The following ADGRV1 variants were observed in gnomAD, a reference collection of about 807,000 sequenced individuals.
ADGRV1 encodes the protein G-protein coupled receptor 98.
ADGRV1 carries 359 observed loss-of-function variants against 596.2 expected under a neutral mutation model. The ratio of observed to expected loss-of-function variants is 0.60; its 90% confidence interval spans 0.55 to 0.66. The LOEUF (loss-of-function observed/expected upper bound fraction) is 0.66, where lower values mean the gene tolerates loss of function less well. Among genes scored for constraint, ADGRV1 ranks in the 30% least tolerant of loss-of-function variants. ADGRV1 has a pLI of 0.00. For missense variants in ADGRV1, 7,274 were observed against 7,575.6 expected, an observed-to-expected ratio of 0.96 and a Z score of 1.48; for synonymous variants, 2,681 against 2,679.2, an observed-to-expected ratio of 1.00 and a Z score of -0.02.
At chr5:91,009,526 A>C (rs147299887) in intron 85 of ADGRV1, among the ~76,000 whole-genome samples, 1 of 152,138 alleles carries the variant, frequency 6.6e-6, no homozygotes, top group Non-Finnish European at 1.5e-5. Flanking sequence ...TTTTATTCTA[A>C]ATGTTCATAC....
chr5:90,998,427 A>G (rs1334848592), intron 85 of ADGRV1, among the ~76,000 whole-genome samples: 1 of 152,096 alleles, frequency 6.6e-6, no homozygotes, highest in African/African-American at 2.4e-5. Context: ...GCTTTTTATC[A>G]GTATGTAATA....
At position 90,653,918 on chromosome 5, in the gene ADGRV1, A is replaced by C. The variant is rs757228722; in HGVS notation, c.4344A>C (p.Gly1448=). The stretch of plus-strand genomic sequence containing the variant: ...TGGATGGAAATGCAATGCCCAGGGG[A>C]ATCAAGAGTCTGAAAGGAGAAGCCA... ...FYLDGNAMPR[G]IKSLKGEAIT... Residue 1448 remains glycine (G), a synonymous_variant, in exon 20 of 90, where the codon GGA becomes GGC. Coordinates refer to ENST00000405460, the MANE Select transcript of ADGRV1 (RefSeq NM_032119.4). 5 of 1,565,242 alleles carry C rather than the reference A, an allele frequency of 3.2e-6. No homozygotes were observed. Among genetic ancestry groups the C allele is most frequent in the Non-Finnish European group, 4.3e-6 (5 of 1,154,022 alleles).
chr5:91,150,138 T>A lies in ADGRV1; in HGVS notation c.18541T>A (p.Phe6181Ile), dbSNP rs768817526. ...TGGGCATCCTGGACCCAGCACAGCC[T>A]TTTTCACGCCCGGGAGTGGAATGCC... ...MNGHPGPSTA[F>I]FTPGSGMPPA... is the part of the protein sequence containing the mutation. Residue 6181 changes from phenylalanine (F) to isoleucine (I), a missense_variant, in exon 88 of 90, where the codon TTT becomes ATT. This residue lies in a region of ADGRV1 where 1,874 missense variants were observed against 1,970.2 expected (regional missense o/e 0.95). Transcript: ENST00000405460. 1 of 1,591,340 alleles carries A rather than the reference T, an allele frequency of 6.3e-7. No individual in the cohort carries two copies. The highest frequency in any genetic ancestry group is 1.2e-5 in the South Asian group (1 of 86,384).
intron 34 of ADGRV1, among the ~76,000 whole-genome samples, chr5:90,700,657 C>T (rs988644224): frequency 1.5e-4 from 23 of 152,046 alleles, no homozygotes; most frequent in African/African-American, 4.8e-4. Flanking sequence ...TTAGGGACAG[C>T]GTGAATCTTT....
intron 88 of ADGRV1, among the ~76,000 whole-genome samples, chr5:91,152,215 G>A (rs1380295430): frequency 6.6e-6 from 1 of 152,152 alleles, no homozygotes; most frequent in African/African-American, 2.4e-5. Context: ...AGAAGGGAAA[G>A]TACAGGAAGG....
chr5:90,716,510 A>G lies in ADGRV1; in HGVS notation c.9228A>G (p.Leu3076=). The part of the protein sequence containing the change: ...VLANDDGPGV[L]SFNNSEHFFL... ...CTAATGATGACGGCCCTGGAGTTCTATCATTTAACAACAGTGAGCACTTTT... is the reference window on the plus strand; with the variant it reads ...CTAATGATGACGGCCCTGGAGTTCTGTCATTTAACAACAGTGAGCACTTTT... Residue 3076 remains leucine (L), a synonymous_variant, in exon 43 of 90, where the codon CTA becomes CTG. Coordinates refer to ENST00000405460, the MANE Select transcript of ADGRV1 (RefSeq NM_032119.4). The G allele has an allele frequency of 1.9e-6, 3 of 1,608,816 alleles. No homozygotes were observed. The highest frequency in any genetic ancestry group is 2.2e-5 in the South Asian group (2 of 89,842).
chr5:90,794,999 T>A (rs1019614909), intron 70 of ADGRV1, among the ~76,000 whole-genome samples: 1 of 150,530 alleles, frequency 6.6e-6, no homozygotes, highest in Non-Finnish European at 1.5e-5. Flanking sequence ...GACAGGAGAC[T>A]CCCTCTGGTG....
chr5:91,072,715 C>G, intron 86 of ADGRV1, 111 bp downstream of exon 86: 1 of 1,085,836 alleles, frequency 9.2e-7, no homozygotes, highest in Non-Finnish European at 1.3e-6. Flanking sequence ...TCTTTCAGCT[C>G]TGAAGCCACA....
At chr5:90,849,358 T>C (rs1312075940) in intron 79 of ADGRV1, among the ~76,000 whole-genome samples, 1 of 152,212 alleles carries the variant, frequency 6.6e-6, no homozygotes, top group Non-Finnish European at 1.5e-5. Context: ...ACCTCTATGC[T>C]ATAGGTACTA....
rs746164223 is a variant in ADGRV1 at position 90,788,124 on chromosome 5, T to C, written c.13707T>C (p.Asn4569=). Residue 4569 remains asparagine (N), a synonymous_variant, in exon 68 of 90, where the codon AAT becomes AAC. Coordinates refer to ENST00000405460, the MANE Select transcript of ADGRV1 (RefSeq NM_032119.4). ...CTCAAGAAGCCTTACTGCCACAGAA[T>C]AGAGACATTGCAGACCCAGTGAGCG... ...PNSQEALLPQ[N]RDIADPVSGL... The C allele has an allele frequency of 1.2e-6, 2 of 1,613,640 alleles. No homozygotes were observed. Among genetic ancestry groups the C allele is most frequent in the Non-Finnish European group, 8.5e-7 (1 of 1,179,598 alleles).
chr5:90,635,210 G>C lies in ADGRV1; in HGVS notation c.1936G>C (p.Ala646Pro), dbSNP rs1766015989. 1 of 1,613,216 alleles carries C rather than the reference G, an allele frequency of 6.2e-7. No individual in the cohort carries two copies. Among genetic ancestry groups the C allele is most frequent in the Admixed American group, 1.7e-5 (1 of 59,924 alleles). ...ICNISLLVTP[A>P]IANGEIGFLS... ...CAATATTTCTTTACTGGTTACTCCA[G>C]CCATTGCAAATGGAGAAATTGGCTT... Residue 646 changes from alanine (A) to proline (P), a missense_variant, in exon 10 of 90, where the codon GCC (alanine) becomes CCC (proline). This residue lies in a region of ADGRV1 where 1,715 missense variants were observed against 1,708.8 expected (regional missense o/e 1.00). Transcript: ENST00000405460.
intron 81 of ADGRV1, among the ~76,000 whole-genome samples, chr5:90,855,215 G>A (rs1407608157): frequency 6.6e-6 from 1 of 151,990 alleles, no homozygotes; most frequent in Non-Finnish European, 1.5e-5. Flanking sequence ...AATTCATAAA[G>A]GAAACACTTT....
chr5:90,755,156 G>T lies in ADGRV1; in HGVS notation c.11551G>T (p.Glu3851Ter). Residue 3851 changes from glutamate (E) to a stop codon, truncating the protein, a stop_gained, in exon 55 of 90, where the codon GAA becomes TAA. Coordinates refer to ENST00000405460, the MANE Select transcript of ADGRV1 (RefSeq NM_032119.4). LOFTEE classifies it high-confidence loss of function. ...AATAATAATGAAAGAAAACATAAAA[G>T]AAGCTCATGCCGAAGTTTCCATTTT... The part of the protein sequence containing the change: ...TIIIMKENIK[E>*]AHAEVSILPD... 1 of 1,606,398 alleles carries T rather than the reference G, an allele frequency of 6.2e-7. No homozygotes were observed.
rs746907587 is a variant in ADGRV1 at position 90,745,762 on chromosome 5, T to C, written c.10941T>C (p.Asn3647=). 2 of 1,609,850 alleles carry C rather than the reference T, an allele frequency of 1.2e-6. No individual in the cohort carries two copies. Among genetic ancestry groups the C allele is most frequent in the Non-Finnish European group, 1.7e-6 (2 of 1,177,076 alleles). The change falls in exon 52 of 90, where the codon AAT becomes AAC. Residue 3647 remains asparagine, a synonymous_variant. Transcript: ENST00000405460. ...NDSVTITILS[N]DDAYGIVAFA... is the part of the protein sequence containing the mutation. Reference sequence around the variant, plus strand: ...CTGTAACAATAACCATTCTGTCTAATGATGATGCCTATGGAATTGTTGCAT... The same window carrying C: ...CTGTAACAATAACCATTCTGTCTAACGATGATGCCTATGGAATTGTTGCAT...
intron 83 of ADGRV1, among the ~76,000 whole-genome samples, chr5:90,888,431 G>A (rs1199285219): frequency 2.0e-5 from 3 of 152,012 alleles, no homozygotes; most frequent in Non-Finnish European, 4.4e-5. Flanking sequence ...TTAAAAATTG[G>A]TAACTAAAAT....
At chr5:90,930,440 G>C (rs1369605430) in intron 83 of ADGRV1, among the ~76,000 whole-genome samples, 1 of 152,070 alleles carries the variant, frequency 6.6e-6, no homozygotes, top group Admixed American at 6.6e-5. Flanking sequence ...AATTCATAAC[G>C]ACCAAATGGT....
intron 65 of ADGRV1, among the ~76,000 whole-genome samples, chr5:90,782,576 A>C (rs562405941): frequency 2.0e-5 from 3 of 152,188 alleles, no homozygotes; most frequent in Non-Finnish European, 4.4e-5. Context: ...AATAATGTTT[A>C]AGTTGAAATC....
chr5:90,745,430 A>G (rs914425323), intron 51 of ADGRV1, among the ~76,000 whole-genome samples, 161 bp from the exon 52 acceptor site: 2 of 152,202 alleles, frequency 1.3e-5, no homozygotes, highest in African/African-American at 4.8e-5. Flanking sequence ...TATTCTATCA[A>G]GTTTATCAGT....
chr5:91,092,921 T>C (rs751310028), intron 86 of ADGRV1, among the ~76,000 whole-genome samples: 1 of 152,208 alleles, frequency 6.6e-6, no homozygotes, highest in East Asian at 1.9e-4. Context: ...ATGTGCCTGA[T>C]GCCCGGCCTT....
Sources: gnomAD v4.1 joint callset for allele counts (sites outside exome capture counted in the v4.1 genomes callset) on GRCh38, gnomAD v4.1.1 for gene constraint, gnomAD v4.1.1 regional missense constraint, MANE v1.5 for transcripts, NCBI Gene and HGNC (gene_info 2026-07-23, HGNC 2026-07-21) for gene names.